The following GALNT15 variants were observed in gnomAD, a reference collection of about 807,000 sequenced individuals.
The protein encoded by GALNT15 is UDP-GalNAc transferase T15.
In GALNT15, 67 loss-of-function variants were observed where a neutral mutation model predicts 66.8. The ratio of observed to expected loss-of-function variants is 1.00; its 90% confidence interval spans 0.82 to 1.23. GALNT15 has a LOEUF of 1.23. Among genes scored for constraint, GALNT15 ranks in the 50% most tolerant of loss-of-function variants. The pLI is 0.00. For synonymous variants in GALNT15, 313 were observed against 311.5 expected, an observed-to-expected ratio of 1.00 and a Z score of -0.05; for missense variants, 827 against 804.3, an observed-to-expected ratio of 1.03 and a Z score of -0.34.
chr3:16,227,322 G>A lies in GALNT15; in HGVS notation c.1774-32G>A. 1 of 1,596,964 alleles carries A rather than the reference G, an allele frequency of 6.3e-7. No individual in the cohort carries two copies. Among genetic ancestry groups the A allele is most frequent in the African/African-American group, 1.4e-5 (1 of 73,718 alleles). ...TTTGCTGACTGATTGTGGGGGACTG[G>A]TTTTCTTTTCTTTTTTCCTTTCTCT... On this transcript the variant is annotated intron_variant, in intron 9 of 9. Coordinates refer to ENST00000339732, the MANE Select transcript of GALNT15 (RefSeq NM_054110.5). The surrounding 1 kb of genome is among the most constrained non-coding windows in gnomAD (Gnocchi z 4.5).
chr3:16,178,391 G>T (rs1422650817), intron 1 of GALNT15, among the ~76,000 whole-genome samples: 2 of 152,310 alleles, frequency 1.3e-5, no homozygotes, highest in East Asian at 3.9e-4. Flanking sequence ...AGCACTGAAG[G>T]TCCCAGGCAG....
chr3:16,233,186 C>G (rs187083091), downstream of GALNT15, among the ~76,000 whole-genome samples: 28 of 141,694 alleles, frequency 2.0e-4, no homozygotes, highest in East Asian at 5.6e-3. Context: ...AACTCCACCT[C>G]CTGGGTTCAA....
downstream of GALNT15, among the ~76,000 whole-genome samples, chr3:16,233,177 A>G (rs557378201): frequency 1.5e-5 from 2 of 135,184 alleles, no homozygotes; most frequent in Admixed American, 1.6e-4. Flanking sequence ...TTCACTGCAA[A>G]CTCCACCTCC....
rs542639058 is a variant in GALNT15, at chr3:16,195,233, C to T, written c.540-527C>T. Among the ~76,000 whole-genome samples, 1 of 152,130 alleles carries T rather than the reference C, an allele frequency of 6.6e-6. No individual in the cohort carries two copies. Among genetic ancestry groups the T allele is most frequent in the Non-Finnish European group, 1.5e-5 (1 of 68,032 alleles). ...TTAGTTGTGCCAGAAATGTAGGCCT[C>T]AGGCCCAAGCCAAAGACTAGAGCAG... On this transcript the variant is annotated intron_variant, in intron 1 of 9. Coordinates refer to ENST00000339732, the MANE Select transcript of GALNT15 (RefSeq NM_054110.5). This position sits in a 1 kb window ranked among gnomAD's most constrained non-coding sequence, Gnocchi z 4.6.
rs973162077 is a variant in GALNT15, at chr3:16,183,507, C to A, written c.539+7817C>A. Among the ~76,000 whole-genome samples, 1 of 152,362 alleles carries A rather than the reference C, an allele frequency of 6.6e-6. No homozygotes were observed. The highest frequency in any genetic ancestry group is 2.4e-5 in the African/African-American group (1 of 41,590). ...AACCAACTTACACACTTCCTGAGAA[C>A]AAGTTCAGTGTCTTTCTTCCTTCAG... On this transcript the variant is annotated intron_variant, in intron 1 of 9. Coordinates refer to ENST00000339732, the MANE Select transcript of GALNT15 (RefSeq NM_054110.5). This position sits in a 1 kb window ranked among gnomAD's most constrained non-coding sequence, Gnocchi z 5.2.
the GALNT15 span, among the ~76,000 whole-genome samples, chr3:16,246,045 G>A: frequency 2.6e-5 from 4 of 152,214 alleles, no homozygotes; most frequent in African/African-American, 9.6e-5. Context: ...CTGGCCTTCA[G>A]CTTTGGATGG....
chr3:16,208,765 C>T, intron 4 of GALNT15, 95 bp downstream of exon 4: 1 of 1,129,212 alleles, frequency 8.9e-7, no homozygotes, highest in Non-Finnish European at 1.3e-6. Context: ...CCACAGTTTC[C>T]TAGTAAATTA....
chr3:16,202,288 G>C (rs929608253), intron 3 of GALNT15, among the ~76,000 whole-genome samples: 1 of 152,194 alleles, frequency 6.6e-6, no homozygotes, highest in African/African-American at 2.4e-5. Context: ...CATCTCATAA[G>C]AAAAGAAGAC....
rs556725236 is a variant in GALNT15, at chr3:16,195,664, G to T, written c.540-96G>T. ...CCCATAGGACAGCCATATAATGGGG[G>T]CAGCTCCAGCCAGAGCAAAGGAAGC... On this transcript the variant is annotated intron_variant, in intron 1 of 9. Coordinates refer to ENST00000339732, the MANE Select transcript of GALNT15 (RefSeq NM_054110.5). This position sits in a 1 kb window ranked among gnomAD's most constrained non-coding sequence, Gnocchi z 4.6. 2 of 1,090,904 alleles carry T rather than the reference G, an allele frequency of 1.8e-6. No homozygotes were observed. The highest frequency in any genetic ancestry group is 3.2e-4 in the Middle Eastern group (1 of 3,084). 67.6% of individuals were successfully genotyped at this position (1,090,904 alleles called of 1,614,324 possible).
At chr3:16,214,506 C>A (rs2063851792) in intron 6 of GALNT15, among the ~76,000 whole-genome samples, 1 of 152,170 alleles carries the variant, frequency 6.6e-6, no homozygotes, top group East Asian at 1.9e-4. Flanking sequence ...GTAAGCCCTG[C>A]TTGTGTGTTT....
At chr3:16,197,318 C>T (rs2063649395) in intron 2 of GALNT15, among the ~76,000 whole-genome samples, 1 of 152,310 alleles carries the variant, frequency 6.6e-6, no homozygotes, top group South Asian at 2.1e-4. Flanking sequence ...TGGCCAACTC[C>T]CCTTCTGCCC....
chr3:16,239,255 A>C, the GALNT15 span, among the ~76,000 whole-genome samples: 1 of 152,226 alleles, frequency 6.6e-6, no homozygotes, highest in Non-Finnish European at 1.5e-5. This position sits in a 1 kb window ranked among gnomAD's most constrained non-coding sequence, Gnocchi z 5.2. Flanking sequence ...TGGCAAGGAA[A>C]GTACCTCAGC....
At chr3:16,207,172 A>C (rs1191271692) in intron 3 of GALNT15, among the ~76,000 whole-genome samples, 1 of 152,208 alleles carries the variant, frequency 6.6e-6, no homozygotes, top group Non-Finnish European at 1.5e-5. Flanking sequence ...TAATGAAATC[A>C]TGGGGCCACC....
Position 16,200,096 on chromosome 3 carries a change from C to A in GALNT15, c.707-523C>A, listed in dbSNP as rs569812869. Among the ~76,000 whole-genome samples, 7 of 151,220 alleles carry A rather than the reference C, an allele frequency of 4.6e-5. No individual in the cohort carries two copies. In the South Asian group the frequency reaches 1.5e-3, roughly 32 times the overall value. Reference sequence around the variant, plus strand: ...ATGGTGGAAGGGGAAGCATGTCTTACATGGCAGCAAGTGAGAGAAAGAGAG... The same window carrying A: ...ATGGTGGAAGGGGAAGCATGTCTTAAATGGCAGCAAGTGAGAGAAAGAGAG... On this transcript the variant is annotated intron_variant, in intron 2 of 9. Coordinates refer to ENST00000339732, the MANE Select transcript of GALNT15 (RefSeq NM_054110.5). This position sits in a 1 kb window ranked among gnomAD's most constrained non-coding sequence, Gnocchi z 4.4.
rs1410699904 is a variant in GALNT15, at chr3:16,225,463, G to A, written c.1774-1891G>A. 6.6e-6 allele frequency among the ~76,000 whole-genome samples: 1 copy of A among 152,252 alleles called. No homozygotes were observed. Among genetic ancestry groups the A allele is most frequent in the Non-Finnish European group, 1.5e-5 (1 of 68,048 alleles). ...TGTAATCCCAGCACTTCGGGAGGCCGAGGCAGGTGGATCACGAGGTCAGGA... is the reference window on the plus strand; with the variant it reads ...TGTAATCCCAGCACTTCGGGAGGCCAAGGCAGGTGGATCACGAGGTCAGGA... On this transcript the variant is annotated intron_variant, in intron 9 of 9. Coordinates refer to ENST00000339732, the MANE Select transcript of GALNT15 (RefSeq NM_054110.5). The surrounding 1 kb of genome is among the most constrained non-coding windows in gnomAD (Gnocchi z 4.4).
rs1036218704 is a variant in GALNT15 at position 16,211,652 on chromosome 3, C to G, written c.1197+411C>G. ...AACAATGTAATACTTGTCATAAAAA[C>G]TTAGCACCTGTTGGGCACCACACAA... On this transcript the variant is annotated intron_variant, in intron 5 of 9. Coordinates refer to ENST00000339732, the MANE Select transcript of GALNT15 (RefSeq NM_054110.5). This position sits in a 1 kb window ranked among gnomAD's most constrained non-coding sequence, Gnocchi z 4.3. Among the ~76,000 whole-genome samples the G allele has an allele frequency of 2.6e-5, 4 of 152,216 alleles. No homozygotes were observed. The highest frequency in any genetic ancestry group is 2.1e-4 in the South Asian group (1 of 4,834).
chr3:16,226,410 A>C (rs1197743827), intron 9 of GALNT15, among the ~76,000 whole-genome samples: 3 of 152,094 alleles, frequency 2.0e-5, no homozygotes, highest in African/African-American at 4.8e-5. Context: ...AAAAAAAAAG[A>C]GGTTTAATTG....
At position 16,186,955 on chromosome 3, in the gene GALNT15, A is replaced by C. The variant is rs956357859; in HGVS notation, c.540-8805A>C. ...ATGGTATGTGAATTATATCTCAATAAAAATATTATTAAAACATTAGTGATT... is the reference window on the plus strand; with the variant it reads ...ATGGTATGTGAATTATATCTCAATACAAATATTATTAAAACATTAGTGATT... On this transcript the variant is annotated intron_variant, in intron 1 of 9. Transcript: ENST00000339732. The surrounding 1 kb of genome is among the most constrained non-coding windows in gnomAD (Gnocchi z 5.1). Among the ~76,000 whole-genome samples the C allele has an allele frequency of 2.0e-5, 3 of 152,142 alleles. No individual in the cohort carries two copies. In the East Asian group the frequency reaches 5.8e-4, roughly 29 times the overall value.
At chr3:16,217,296 T>A (rs1218878144) in intron 6 of GALNT15, among the ~76,000 whole-genome samples, 1 of 152,214 alleles carries the variant, frequency 6.6e-6, no homozygotes, top group Non-Finnish European at 1.5e-5. Flanking sequence ...GTCCACTTTG[T>A]TCATTTGATG....
Sources: allele counts gnomAD v4.1 joint callset (sites outside exome capture counted in the v4.1 genomes callset), GRCh38; gene constraint gnomAD v4.1.1; non-coding constraint Gnocchi (gnomAD v3.1); transcripts MANE v1.5; gene names NCBI Gene and HGNC (gene_info 2026-07-23, HGNC 2026-07-21).